The following SLC24A2 variants were observed in gnomAD, a reference collection of about 807,000 sequenced individuals.
SLC24A2 encodes the protein solute carrier family 24 member 2.
In SLC24A2, 36 loss-of-function variants were observed where a neutral mutation model predicts 62.0. That is an observed-to-expected ratio of 0.58 (90% CI 0.44 to 0.77). The LOEUF (loss-of-function observed/expected upper bound fraction) is 0.77. Among genes scored for constraint, SLC24A2 ranks in the 30% least tolerant of loss-of-function variants. The pLI, the probability that SLC24A2 is intolerant of heterozygous loss-of-function variation, is 0.00. For synonymous variants in SLC24A2, 358 were observed against 294.0 expected (o/e 1.22, Z -2.23); for missense variants, 846 against 817.9 (o/e 1.03, Z -0.42).
the SLC24A2 span, among the ~76,000 whole-genome samples, chr9:20,205,650 A>T: frequency 4.5e-3 from 161 of 35,612 alleles, no homozygotes; most frequent in Admixed American, 8.5e-3. Context: ...GACTCCATCT[A>T]AAAAAAAAAA....
At chr9:20,183,624 C>T in the SLC24A2 span, among the ~76,000 whole-genome samples, 3 of 152,200 alleles carry the variant, frequency 2.0e-5, no homozygotes, top group African/African-American at 4.8e-5. Context: ...CAGATTCATG[C>T]AGGATATGCA....
At chr9:20,099,229 G>A in the SLC24A2 span, among the ~76,000 whole-genome samples, 1 of 152,182 alleles carries the variant, frequency 6.6e-6, no homozygotes, top group East Asian at 1.9e-4. Context: ...CTTGAAACAT[G>A]TTAATATAGT....
At chr9:19,547,115 C>G (rs60572527) in intron 8 of SLC24A2, among the ~76,000 whole-genome samples, 9,151 of 152,194 alleles carry the variant, frequency 0.06, 886 homozygotes, top group African/African-American at 0.21. Flanking sequence ...TAAGCACTGG[C>G]CAAGGCCCAG....
At chr9:20,041,947 G>T in the SLC24A2 span, among the ~76,000 whole-genome samples, 1 of 152,198 alleles carries the variant, frequency 6.6e-6, no homozygotes, top group Non-Finnish European at 1.5e-5. Flanking sequence ...GTCCCCTCAG[G>T]TGCCAGACTC....
the SLC24A2 span, among the ~76,000 whole-genome samples, chr9:20,248,227 G>A: frequency 6.6e-6 from 1 of 152,194 alleles, no homozygotes; most frequent in Non-Finnish European, 1.5e-5. Context: ...AACCCGTATG[G>A]GAGCTCCCAC....
At chr9:20,051,587 G>C in the SLC24A2 span, among the ~76,000 whole-genome samples, 2 of 146,448 alleles carry the variant, frequency 1.4e-5, no homozygotes, top group Non-Finnish European at 3.0e-5. Flanking sequence ...TTACCACATA[G>C]TGAGCCATAA....
the SLC24A2 span, among the ~76,000 whole-genome samples, chr9:19,961,403 C>T: frequency 6.6e-6 from 1 of 152,124 alleles, no homozygotes; most frequent in Non-Finnish European, 1.5e-5. Context: ...CAATCTTTGG[C>T]ATGGGGTTAA....
chr9:20,216,644 T>A, the SLC24A2 span, among the ~76,000 whole-genome samples: 4 of 152,216 alleles, frequency 2.6e-5, no homozygotes, highest in Non-Finnish European at 4.4e-5. Flanking sequence ...ATCCAGTGTC[T>A]CATTTTTGGT....
the SLC24A2 span, among the ~76,000 whole-genome samples, chr9:19,923,628 T>A: frequency 1.3e-5 from 2 of 152,358 alleles, no homozygotes; most frequent in South Asian, 4.1e-4. Flanking sequence ...GAATGACAAG[T>A]TCACATTGTT....
chr9:20,294,652 AT>A, the SLC24A2 span, among the ~76,000 whole-genome samples: 1 of 152,204 alleles, frequency 6.6e-6, no homozygotes. Context: ...TCACTTAGTG[AT>A]TTCCTTAAAG....
intron 2 of SLC24A2, among the ~76,000 whole-genome samples, chr9:19,631,019 C>A (rs1818164002): frequency 6.6e-6 from 1 of 152,082 alleles, no homozygotes; most frequent in African/African-American, 2.4e-5. Context: ...CTGTGTGTCC[C>A]CTCCTCCCCA....
chr9:20,089,583 C>T, the SLC24A2 span, among the ~76,000 whole-genome samples: 9 of 152,162 alleles, frequency 5.9e-5, no homozygotes, highest in African/African-American at 2.2e-4. Flanking sequence ...GGGCCCCTAG[C>T]TCATGACCAC....
the SLC24A2 span, among the ~76,000 whole-genome samples, chr9:20,160,409 G>C: frequency 0.021 from 3,194 of 151,106 alleles, 45 homozygotes; most frequent in Non-Finnish European, 0.031. Flanking sequence ...AATAAGTAAG[G>C]TTATAAAAAC....
At chr9:19,974,741 G>A in the SLC24A2 span, among the ~76,000 whole-genome samples, 2 of 152,142 alleles carry the variant, frequency 1.3e-5, no homozygotes, top group South Asian at 4.1e-4. Flanking sequence ...GATCCTTCTA[G>A]AGCACACATA....
the SLC24A2 span, among the ~76,000 whole-genome samples, chr9:20,233,377 C>A: frequency 0.032 from 4,901 of 152,194 alleles, 104 homozygotes; most frequent in Middle Eastern, 0.088. Flanking sequence ...CTTTGTAGGT[C>A]ACTCAGGACT....
At chr9:19,819,595 A>C in the SLC24A2 span, among the ~76,000 whole-genome samples, 1 of 152,100 alleles carries the variant, frequency 6.6e-6, no homozygotes, top group African/African-American at 2.4e-5. Flanking sequence ...TGGCCAATAA[A>C]CATATGAAAA....
At chr9:19,714,757 C>T (rs1329621565) in intron 2 of SLC24A2, among the ~76,000 whole-genome samples, 1 of 152,022 alleles carries the variant, frequency 6.6e-6, no homozygotes, top group East Asian at 1.9e-4. Flanking sequence ...CCATTTTTCC[C>T]CTCTGTGGCA....
chr9:19,649,833 G>A (rs950503425), intron 2 of SLC24A2, among the ~76,000 whole-genome samples: 5 of 152,214 alleles, frequency 3.3e-5, no homozygotes, highest in African/African-American at 7.2e-5. Context: ...CTCCAAGAAT[G>A]ACACAATATA....
the SLC24A2 span, among the ~76,000 whole-genome samples, chr9:20,043,274 T>G: frequency 9.2e-5 from 14 of 152,322 alleles, no homozygotes; most frequent in Middle Eastern, 3.4e-3. Flanking sequence ...GAAACAAACT[T>G]ATTACCTATA....
Sources: gnomAD v4.1 joint callset for allele counts (sites outside exome capture counted in the v4.1 genomes callset) on GRCh38, gnomAD v4.1.1 for gene constraint, MANE v1.5 for transcripts, NCBI Gene and HGNC (gene_info 2026-07-23, HGNC 2026-07-21) for gene names.